The following PLS1 variants were observed in gnomAD, a reference collection of about 807,000 sequenced individuals.
PLS1 encodes plastin-1.
A neutral mutation model predicts 73.7 loss-of-function variants in PLS1; 32 were observed. That is an observed-to-expected ratio of 0.43 (90% confidence interval 0.33 to 0.58). PLS1 has a LOEUF of 0.58. Ranked by LOEUF, PLS1 falls within the 20% of genes least tolerant of loss-of-function variation. The probability of loss-of-function intolerance (pLI) is 0.04; values close to 1 mark genes in which losing one functional copy is unlikely to be tolerated. For missense variants in PLS1, 633 were observed against 740.5 expected (o/e 0.85, Z 1.68); for synonymous variants, 217 against 261.3 (o/e 0.83, Z 1.63).
At chr3:142,626,482 G>C (rs375162720) in intron 1 of PLS1, among the ~76,000 whole-genome samples, 65 of 152,214 alleles carry the variant, frequency 4.3e-4, no homozygotes, top group African/African-American at 1.4e-3. Context: ...ATGAAAAAAA[G>C]ATAAAATAAG....
chr3:142,656,953 A>T (rs2037251771), intron 1 of PLS1: 1 of 152,206 alleles, frequency 6.6e-6, no homozygotes, highest in African/African-American at 2.4e-5. Flanking sequence ...TAAAAGAAAG[A>T]TCACATTTCT....
At chr3:142,639,124 A>T (rs931181250) in intron 1 of PLS1, among the ~76,000 whole-genome samples, 1 of 152,272 alleles carries the variant, frequency 6.6e-6, no homozygotes. Flanking sequence ...ATACAAGTAA[A>T]ACTCAGTCAT....
chr3:142,686,804 A>G (rs1225181359), intron 9 of PLS1, among the ~76,000 whole-genome samples: 4 of 152,222 alleles, frequency 2.6e-5, no homozygotes, highest in African/African-American at 9.6e-5. Context: ...GACGGAAGAA[A>G]GGGAACTGCG....
At chr3:142,620,107 A>T (rs903524050) in intron 1 of PLS1, among the ~76,000 whole-genome samples, 3 of 151,710 alleles carry the variant, frequency 2.0e-5, no homozygotes, top group African/African-American at 7.3e-5. Flanking sequence ...ATGCTTCAGA[A>T]GTTTGAGAAG....
chr3:142,599,616 A>G (rs1235460122), intron 1 of PLS1, among the ~76,000 whole-genome samples: 1 of 152,148 alleles, frequency 6.6e-6, no homozygotes, highest in Non-Finnish European at 1.5e-5. Context: ...GGCGTGAGCC[A>G]CCGCGCCCGG....
chr3:142,697,130 A>G (rs914777692), intron 11 of PLS1, among the ~76,000 whole-genome samples: 1 of 152,194 alleles, frequency 6.6e-6, no homozygotes, highest in African/African-American at 2.4e-5. Context: ...CTTAGCATAC[A>G]GCATTGAAAA....
chr3:142,612,853 C>G (rs1203002696), intron 1 of PLS1, among the ~76,000 whole-genome samples: 1 of 152,156 alleles, frequency 6.6e-6, no homozygotes, highest in Non-Finnish European at 1.5e-5. Flanking sequence ...CTCACTCCAA[C>G]TTCTGCCTCC....
At chr3:142,602,847 G>A (rs776255286) in intron 1 of PLS1, among the ~76,000 whole-genome samples, 28 of 151,872 alleles carry the variant, frequency 1.8e-4, no homozygotes, top group African/African-American at 3.4e-4. Flanking sequence ...TGGCTTCACC[G>A]GGCTAATTTT....
At chr3:142,691,245 C>T (rs748052069) in intron 10 of PLS1, among the ~76,000 whole-genome samples, 10 of 150,950 alleles carry the variant, frequency 6.6e-5, no homozygotes, top group African/African-American at 1.2e-4. Context: ...TTGAAGGTCC[C>T]GTAAAATAAA....
chr3:142,606,950 C>CAT (rs1414618525), intron 1 of PLS1, among the ~76,000 whole-genome samples: 4 of 152,098 alleles, frequency 2.6e-5, no homozygotes, highest in African/African-American at 4.8e-5. Flanking sequence ...TTTCTCTGGG[C>CAT]ATATACCTAG....
chr3:142,654,221 TAGA>T (rs1432056257), intron 1 of PLS1, among the ~76,000 whole-genome samples: 2 of 152,222 alleles, frequency 1.3e-5, no homozygotes, highest in Non-Finnish European at 2.9e-5. Flanking sequence ...TCTGCTTTGC[TAGA>T]AGATTTCTTT....
chr3:142,701,373 T>G (rs113970559), intron 12 of PLS1, among the ~76,000 whole-genome samples: 7 of 152,346 alleles, frequency 4.6e-5, no homozygotes, highest in African/African-American at 7.2e-5. Context: ...TGGTTGAGCA[T>G]CCTTAAGCTG....
At chr3:142,662,088 C>G (rs993974124) in intron 1 of PLS1, among the ~76,000 whole-genome samples, 10 of 152,286 alleles carry the variant, frequency 6.6e-5, no homozygotes, top group Non-Finnish European at 1.5e-4. Flanking sequence ...GATTATAAAT[C>G]ATTCTACTAT....
chr3:142,635,888 GTTTC>G (rs1296469732), intron 1 of PLS1, among the ~76,000 whole-genome samples: 1 of 152,006 alleles, frequency 6.6e-6, no homozygotes, highest in Non-Finnish European at 1.5e-5. Context: ...TGTTTTGTTT[GTTTC>G]TTTGTTTGTT....
chr3:142,620,847 G>T (rs2036301422), intron 1 of PLS1, among the ~76,000 whole-genome samples: 1 of 152,012 alleles, frequency 6.6e-6, no homozygotes, highest in Non-Finnish European at 1.5e-5. Context: ...GTGAAAATCT[G>T]TCTCTTCTAA....
chr3:142,601,037 C>T (rs1238880398), intron 1 of PLS1, among the ~76,000 whole-genome samples: 1 of 143,052 alleles, frequency 7.0e-6, no homozygotes, highest in Non-Finnish European at 1.5e-5. Context: ...CATTCTCCTG[C>T]CTCAGCCTCC....
chr3:142,609,027 A>G (rs1441288953), intron 1 of PLS1, among the ~76,000 whole-genome samples: 2 of 152,340 alleles, frequency 1.3e-5, no homozygotes, highest in Non-Finnish European at 2.9e-5. Context: ...AAATTGGAGT[A>G]GATGTGGTAA....
intron 1 of PLS1, among the ~76,000 whole-genome samples, chr3:142,655,332 A>G (rs2037199897): frequency 6.6e-6 from 1 of 152,202 alleles, no homozygotes; most frequent in Admixed American, 6.5e-5. Context: ...GAAATGGTAA[A>G]TACTTGGGAA....
intron 1 of PLS1, among the ~76,000 whole-genome samples, chr3:142,654,371 A>C (rs573991124): frequency 6.6e-6 from 1 of 152,242 alleles, no homozygotes; most frequent in East Asian, 1.9e-4. Context: ...TTTGAGACAG[A>C]ATCTTGCTCT....
Sources: gnomAD v4.1 joint callset for allele counts (sites outside exome capture counted in the v4.1 genomes callset) on GRCh38, gnomAD v4.1.1 for gene constraint, MANE v1.5 for transcripts, NCBI Gene and HGNC (gene_info 2026-07-23, HGNC 2026-07-21) for gene names.